The following ERC2 variants were observed in gnomAD, a reference collection of about 807,000 sequenced individuals.
ERC2 encodes the protein ELKS/RAB6-interacting/CAST family member 2, also known as ERC protein 2.
Under a neutral mutation model 114.8 loss-of-function variants are expected in ERC2, and 42 were observed. The ratio of observed to expected loss-of-function variants is 0.37; its 90% CI spans 0.29 to 0.47. The LOEUF (loss-of-function observed/expected upper bound fraction) is 0.47, where lower values mean the gene tolerates loss of function less well. Ranked by LOEUF, ERC2 falls within the 20% of genes least tolerant of loss-of-function variation. The probability of loss-of-function intolerance (pLI) is 0.99; values close to 1 mark genes in which losing one functional copy is unlikely to be tolerated. For synonymous variants in ERC2, 454 were observed against 425.5 expected, an observed-to-expected ratio of 1.07 and a Z score of -0.82; for missense variants, 939 against 1,150.7, an observed-to-expected ratio of 0.82 and a Z score of 2.66.
chr3:55,850,891 C>CACACAT (rs3221909), intron 14 of ERC2, among the ~76,000 whole-genome samples: 1 of 150,186 alleles, frequency 6.7e-6, no homozygotes, highest in African/African-American at 2.5e-5. Context: ...CACACACACA[C>CACACAT]GAGAGAACCA....
chr3:56,145,453 G>A (rs1431399073), intron 5 of ERC2, among the ~76,000 whole-genome samples: 2 of 152,136 alleles, frequency 1.3e-5, no homozygotes, highest in African/African-American at 4.8e-5. Flanking sequence ...TCCATTCTCC[G>A]AGGTTTAATG....
chr3:56,384,809 T>C (rs1381683844), intron 2 of ERC2, among the ~76,000 whole-genome samples: 1 of 152,206 alleles, frequency 6.6e-6, no homozygotes, highest in Non-Finnish European at 1.5e-5. Flanking sequence ...AAATGTTTTA[T>C]GGTTTCAACT....
chr3:55,740,624 T>C (rs918750625), intron 14 of ERC2, among the ~76,000 whole-genome samples: 6 of 152,174 alleles, frequency 3.9e-5, no homozygotes, highest in Middle Eastern at 3.2e-3. Context: ...TACTTCAGGA[T>C]ATTTGGCAAG....
intron 7 of ERC2, among the ~76,000 whole-genome samples, chr3:56,020,972 T>C (rs2073676128): frequency 6.6e-6 from 1 of 152,068 alleles, no homozygotes; most frequent in Admixed American, 6.6e-5. Context: ...GAAATAGGGA[T>C]GGTGGAGACT....
chr3:55,523,672 A>C (rs62251464), intron 17 of ERC2, among the ~76,000 whole-genome samples: 31,253 of 152,180 alleles, frequency 0.21, 3,853 homozygotes, highest in Middle Eastern at 0.34. Flanking sequence ...GTTCATGAGG[A>C]CAGGCTATGT....
intron 3 of ERC2, among the ~76,000 whole-genome samples, chr3:56,236,943 A>G (rs2050988877): frequency 6.6e-6 from 1 of 152,242 alleles, no homozygotes; most frequent in Non-Finnish European, 1.5e-5. Context: ...TAAAAACATC[A>G]GGTCCAGCCA....
At chr3:56,246,011 T>C (rs1184882782) in intron 3 of ERC2, among the ~76,000 whole-genome samples, 1 of 150,872 alleles carries the variant, frequency 6.6e-6, no homozygotes, top group Non-Finnish European at 1.5e-5. Flanking sequence ...TGTCCTAAAG[T>C]GGCCTATTTC....
intron 3 of ERC2, among the ~76,000 whole-genome samples, chr3:56,179,454 T>C (rs1257869046): frequency 1.3e-5 from 2 of 152,058 alleles, no homozygotes; most frequent in African/African-American, 2.4e-5. Context: ...CTCCCAATGT[T>C]GTATTGCAGC....
At chr3:56,455,086 A>G (rs2063004795) in intron 1 of ERC2, among the ~76,000 whole-genome samples, 1 of 152,070 alleles carries the variant, frequency 6.6e-6, no homozygotes, top group African/African-American at 2.4e-5. Context: ...ACCTAGTTTC[A>G]GTATGGGATG....
chr3:55,687,369 A>G (rs937294594), intron 16 of ERC2, among the ~76,000 whole-genome samples: 2 of 73,900 alleles, frequency 2.7e-5, no homozygotes, highest in African/African-American at 9.9e-5. Flanking sequence ...ACCTGAGGCC[A>G]CCACCGGATT....
At chr3:55,868,393 T>A (rs2149276826) in intron 14 of ERC2, among the ~76,000 whole-genome samples, 1 of 152,326 alleles carries the variant, frequency 6.6e-6, no homozygotes, top group East Asian at 1.9e-4. Flanking sequence ...GAGCCTGTAG[T>A]TAGTTATCAT....
At chr3:56,433,918 T>C in intron 2 of ERC2, 1 of 171,962 alleles carries the variant, frequency 5.8e-6, no homozygotes, top group South Asian at 1.5e-4. Flanking sequence ...GTGCTGGTGC[T>C]TCAAAATAAA....
At chr3:56,103,584 A>G (rs1214016916) in intron 6 of ERC2, among the ~76,000 whole-genome samples, 1 of 152,124 alleles carries the variant, frequency 6.6e-6, no homozygotes, top group Non-Finnish European at 1.5e-5. Context: ...CAGTCTCTGT[A>G]GATATTTTTG....
intron 15 of ERC2, among the ~76,000 whole-genome samples, chr3:55,704,994 G>A (rs2063408906): frequency 6.6e-6 from 1 of 152,338 alleles, no homozygotes; most frequent in East Asian, 1.9e-4. Flanking sequence ...TATTCAGCTA[G>A]TGAGTAGAAG....
At chr3:55,780,984 A>C (rs2068991941) in intron 14 of ERC2, among the ~76,000 whole-genome samples, 1 of 152,210 alleles carries the variant, frequency 6.6e-6, no homozygotes. Flanking sequence ...AATAGCAATA[A>C]AGGGCTCTGA....
intron 4 of ERC2, among the ~76,000 whole-genome samples, chr3:56,168,251 T>C (rs1186756374): frequency 6.6e-6 from 1 of 152,228 alleles, no homozygotes; most frequent in Non-Finnish European, 1.5e-5. Flanking sequence ...TCAAGTGCTG[T>C]AGCCCTTATG....
At chr3:56,341,959 G>A (rs2058105051) in intron 2 of ERC2, among the ~76,000 whole-genome samples, 1 of 152,182 alleles carries the variant, frequency 6.6e-6, no homozygotes, top group African/African-American at 2.4e-5. Context: ...CACTCCTGCA[G>A]GCTGGCTGGA....
intron 7 of ERC2, among the ~76,000 whole-genome samples, chr3:56,059,487 T>G (rs540072585): frequency 5.9e-5 from 9 of 152,328 alleles, no homozygotes; most frequent in Non-Finnish European, 1.3e-4. Context: ...AGTAAGTGAC[T>G]TTGGACAACT....
chr3:56,434,133 C>CA, intron 2 of ERC2: 1 of 542,324 alleles, frequency 1.8e-6, no homozygotes, highest in Non-Finnish European at 3.3e-6. Context: ...TCCCCATCTG[C>CA]AACCATGTGA....
Sources: allele counts gnomAD v4.1 joint callset (sites outside exome capture counted in the v4.1 genomes callset), GRCh38; gene constraint gnomAD v4.1.1; transcripts MANE v1.5; gene names NCBI Gene and HGNC (gene_info 2026-07-23, HGNC 2026-07-21).